PBK: variants seen among roughly 807,000 people sequenced by gnomAD.
The protein encoded by PBK is PDZ binding kinase, also known as lymphokine-activated killer T-cell-originated protein kinase.
Under a neutral mutation model 33.5 loss-of-function variants are expected in PBK, and 22 were observed. That is an observed-to-expected ratio of 0.66 (90% CI 0.47 to 0.94). PBK has a LOEUF of 0.94. Ranked by LOEUF, PBK falls within the 40% of genes least tolerant of loss-of-function variation. The probability of loss-of-function intolerance (pLI) is 0.00; values close to 1 mark genes in which losing one functional copy is unlikely to be tolerated. For missense variants in PBK, 376 were observed against 383.4 expected, an observed-to-expected ratio of 0.98 and a Z score of 0.16; for synonymous variants, 129 against 123.8, an observed-to-expected ratio of 1.04 and a Z score of -0.28.
intron 6 of PBK, among the ~76,000 whole-genome samples, chr8:27,817,130 G>A (rs183256928): frequency 9.4e-4 from 143 of 152,220 alleles, no homozygotes; most frequent in Non-Finnish European, 1.7e-3. Context: ...AAAGCTGTGA[G>A]TGAGTCCAGG....
At chr8:27,824,625 T>C (rs1023935582) in intron 3 of PBK, among the ~76,000 whole-genome samples, 1 of 152,152 alleles carries the variant, frequency 6.6e-6, no homozygotes, top group African/African-American at 2.4e-5. Context: ...CTACTAGAAA[T>C]ACAAAGTGCA....
intron 1 of PBK, among the ~76,000 whole-genome samples, chr8:27,837,309 T>C (rs1199869811): frequency 6.6e-6 from 1 of 152,076 alleles, no homozygotes; most frequent in African/African-American, 2.4e-5. Flanking sequence ...TGGACACTAC[T>C]GACAAAGCTA....
At chr8:27,814,231 T>C (rs1805766613) in intron 6 of PBK, among the ~76,000 whole-genome samples, 1 of 152,200 alleles carries the variant, frequency 6.6e-6, no homozygotes, top group Non-Finnish European at 1.5e-5. Context: ...TAGGGCTATG[T>C]GGATTTCCTT....
At chr8:27,835,361 C>T (rs1404321360) in intron 1 of PBK, among the ~76,000 whole-genome samples, 1 of 152,068 alleles carries the variant, frequency 6.6e-6, no homozygotes, top group African/African-American at 2.4e-5. Context: ...TTTAACTTGA[C>T]GGTAGGAACA....
rs553961952 is a variant in PBK at position 27,822,127 on chromosome 8, C to T, written c.465+192G>A. On this transcript the variant is annotated intron_variant, in intron 5 of 7. Coordinates refer to ENST00000301905, the MANE Select transcript of PBK (RefSeq NM_018492.4). ...CTGCCAAATGACACATTTCTCAGAA[C>T]ATATTAAGCTACACATGAATGTAAT... Among the ~76,000 whole-genome samples, 16 of 152,262 alleles carry T rather than the reference C, an allele frequency of 1.1e-4. No individual in the cohort carries two copies. The South Asian group carries it at 2.9e-3, about 28-fold the overall frequency.
In PBK at chr8:27,810,380, A is replaced by C. The variant is rs756731963; in HGVS notation, c.894T>G (p.Ser298=). The change falls in exon 8 of 8, where the codon TCT becomes TCG. Residue 298 remains serine, a synonymous_variant. Coordinates refer to ENST00000301905, the MANE Select transcript of PBK (RefSeq NM_018492.4). Reference sequence around the variant, plus strand: ...CTTTAGGGTCTTCATTAGTGCATACAGAGAAGAGTTCAATTACTTTCTGGT... The same window carrying C: ...CTTTAGGGTCTTCATTAGTGCATACCGAGAAGAGTTCAATTACTTTCTGGT... ...ESYQKVIELF[S]VCTNEDPKDR... is the part of the protein sequence containing the mutation. The C allele has an allele frequency of 1.2e-6, 2 of 1,611,584 alleles. No homozygotes were observed. The highest frequency in any genetic ancestry group is 4.5e-5 in the East Asian group (2 of 44,860).
Position 27,810,952 on chromosome 8 carries a change from T to C in PBK, c.772+6A>G, listed in dbSNP as rs2272692. The C allele has an allele frequency of 4.7e-3, 7,146 of 1,511,616 alleles. 133 individuals are homozygous for C. In the African/African-American group the frequency reaches 0.051, roughly 11 times the overall value. The allele number at this position is 1,511,616 out of a possible 1,614,324, so 93.6% of individuals were successfully genotyped here. ...TTGGGATTTATGTTAGAAATTGTAT[T>C]CATACCTTCATCATCATCATCATTT... On this transcript the variant is annotated splice_donor_region_variant and intron_variant, in intron 7 of 7. Coordinates refer to ENST00000301905, the MANE Select transcript of PBK (RefSeq NM_018492.4).
In PBK at chr8:27,810,473, A is replaced by C. The variant is rs1805654876; in HGVS notation, c.801T>G (p.Asp267Glu). Residue 267 changes from aspartate to glutamate, a missense_variant, in exon 8 of 8, where the codon GAT becomes GAG. Asp to Glu is a conservative substitution (Grantham distance 45). Transcript: ENST00000301905. Reference sequence around the variant, plus strand: ...CCAACGCTGCATAGTATGCTTCATCATCAAAATCACTTTCATCAAAAGTTT... The same window carrying C: ...CCAACGCTGCATAGTATGCTTCATCCTCAAAATCACTTTCATCAAAAGTTT... Reference protein sequence around the residue: ...EDKTFDESDFDDEAYYAALGT... With the variant: ...EDKTFDESDFEDEAYYAALGT... The C allele has an allele frequency of 6.2e-7, 1 of 1,603,904 alleles. No homozygotes were observed. The highest frequency in any genetic ancestry group is 1.3e-5 in the African/African-American group (1 of 74,454).
intron 2 of PBK, among the ~76,000 whole-genome samples, chr8:27,830,948 CAGA>C (rs1265202688): frequency 2.0e-5 from 3 of 152,084 alleles, no homozygotes; most frequent in Non-Finnish European, 4.4e-5. Context: ...AAGTGGACTC[CAGA>C]ACAAAGAGTA....
intron 5 of PBK, 129 bp downstream of exon 5, chr8:27,822,189 GC>G: frequency 1.5e-6 from 1 of 668,960 alleles, no homozygotes; most frequent in Non-Finnish European, 2.5e-6. Flanking sequence ...TTTGTTTTCC[GC>G]TAACCCCTTT....
At position 27,810,181 on chromosome 8, in the gene PBK, T is replaced by G; in HGVS notation, c.*124A>C. 1 of 668,532 alleles carries G rather than the reference T, an allele frequency of 1.5e-6. No individual in the cohort carries two copies. The highest frequency in any genetic ancestry group is 2.9e-5 in the Admixed American group (1 of 35,014). 41.4% of individuals were successfully genotyped at this position (668,532 alleles called of 1,614,324 possible). On this transcript the variant is annotated 3_prime_UTR_variant, in exon 8 of 8. Transcript: ENST00000301905. ...CATATTAGAAATAGTTATCCATATG[T>G]TAACAAGAAACTATGGTCCTCAAAT...
intron 3 of PBK, among the ~76,000 whole-genome samples, chr8:27,823,677 C>A (rs1215405577): frequency 6.6e-6 from 1 of 152,068 alleles, no homozygotes; most frequent in Non-Finnish European, 1.5e-5. Flanking sequence ...TGCTCCCCTA[C>A]ACTGACCAAT....
chr8:27,837,267 T>C lies in PBK; in HGVS notation c.-21+385A>G, dbSNP rs544054549. Among the ~76,000 whole-genome samples the C allele has an allele frequency of 2.0e-5, 3 of 152,282 alleles. No individual in the cohort carries two copies. The East Asian group carries it at 5.8e-4, about 29-fold the overall frequency. On this transcript the variant is annotated intron_variant, in intron 1 of 7. Coordinates refer to ENST00000301905, the MANE Select transcript of PBK (RefSeq NM_018492.4). ...TCAAACGTCAGTGACCTTTGGGCCCTAAGCCTGGGACCCTGGGACTCAACA... is the reference window on the plus strand; with the variant it reads ...TCAAACGTCAGTGACCTTTGGGCCCCAAGCCTGGGACCCTGGGACTCAACA...
chr8:27,816,355 A>ATATATATATATATATATATATT (rs1024094999), intron 6 of PBK, among the ~76,000 whole-genome samples: 1 of 140,944 alleles, frequency 7.1e-6, no homozygotes, highest in African/African-American at 2.7e-5. Flanking sequence ...ATATATATAT[A>ATATATATATATATATATATATT]TATTTATTTA....
rs182005620 is a variant in PBK at position 27,820,768 on chromosome 8, T to C, written c.466-74A>G. 5.3e-4 allele frequency: 406 copies of C among 772,474 alleles called. 1 individual carries two copies. Among genetic ancestry groups the C allele is most frequent in the Non-Finnish European group, 6.9e-4 (339 of 493,784 alleles). The allele number at this position is 772,474 out of a possible 1,614,324, so 47.9% of individuals were successfully genotyped here. A position where few individuals can be genotyped will look rare whatever the true frequency, so the allele number is the denominator to read the frequency against. On this transcript the variant is annotated intron_variant, in intron 5 of 7. Coordinates refer to ENST00000301905, the MANE Select transcript of PBK (RefSeq NM_018492.4). ...AAAAAAATGTGATAACCTCCAAATA[T>C]AACAACTTGAACTCCCTTCCTAAAC...
chr8:27,835,362 G>A (rs79980128), intron 1 of PBK, among the ~76,000 whole-genome samples: 16,172 of 152,124 alleles, frequency 0.11, 969 homozygotes, highest in East Asian at 0.25. Flanking sequence ...TTAACTTGAC[G>A]GTAGGAACAG....
chr8:27,833,503 C>T (rs1297316109), intron 1 of PBK, among the ~76,000 whole-genome samples: 2 of 146,230 alleles, frequency 1.4e-5, no homozygotes, highest in African/African-American at 5.2e-5. Flanking sequence ...GAGCAAAACT[C>T]CGTCTCAAAA....
At chr8:27,819,179 T>C (rs982691083) in intron 6 of PBK, among the ~76,000 whole-genome samples, 2 of 152,176 alleles carry the variant, frequency 1.3e-5, no homozygotes, top group African/African-American at 4.8e-5. Flanking sequence ...TGATTGAACA[T>C]GTATCCTCAA....
intron 2 of PBK, 101 bp from the exon 3 acceptor site, chr8:27,828,299 CTT>C: frequency 3.8e-6 from 2 of 521,210 alleles, no homozygotes; most frequent in South Asian, 6.4e-5. Flanking sequence ...TTGGCACAGT[CTT>C]TTTGGAGAGC....
Sources: allele counts gnomAD v4.1 joint callset (sites outside exome capture counted in the v4.1 genomes callset), GRCh38; gene constraint gnomAD v4.1.1; transcripts MANE v1.5; gene names NCBI Gene and HGNC (gene_info 2026-07-23, HGNC 2026-07-21).